Variants in PDE1A observed in about 807,000 individuals in gnomAD.
PDE1A encodes the protein phosphodiesterase 1A, also known as dual specificity calcium/calmodulin-dependent 3',5'-cyclic nucleotide phosphodiesterase 1A.
A neutral mutation model predicts 61.7 loss-of-function variants in PDE1A; 35 were observed. The observed-to-expected ratio is 0.57, with a 90% CI of 0.43 to 0.75. The LOEUF (loss-of-function observed/expected upper bound fraction) is 0.75, where lower values mean the gene tolerates loss of function less well. PDE1A is among the 30% of genes least tolerant of loss of function. PDE1A has a pLI of 0.00. For synonymous variants in PDE1A, 232 were observed against 213.2 expected, an observed-to-expected ratio of 1.09 and a Z score of -0.77; for missense variants, 597 against 630.6, an observed-to-expected ratio of 0.95 and a Z score of 0.57.
chr2:182,686,891 A>C, the PDE1A span, among the ~76,000 whole-genome samples: 3 of 150,820 alleles, frequency 2.0e-5, no homozygotes, highest in Non-Finnish European at 2.9e-5. Flanking sequence ...TATCCCGCGC[A>C]TGGCTTGGAG....
At chr2:182,695,674 AAAAAAAAAAAAG>A in the PDE1A span, among the ~76,000 whole-genome samples, 2 of 91,400 alleles carry the variant, frequency 2.2e-5, no homozygotes, top group African/African-American at 7.4e-5. Context: ...CTCAAAAAAA[AAAAAAAAAAAAG>A]AAAAAGAAAA....
At chr2:182,324,573 T>C (rs1559338173) in intron 1 of PDE1A, among the ~76,000 whole-genome samples, 1 of 152,144 alleles carries the variant, frequency 6.6e-6, no homozygotes, top group South Asian at 2.1e-4. Flanking sequence ...GCATACTCTA[T>C]GTTAGAGGTC....
At chr2:182,371,382 T>C (rs1296657967) in intron 1 of PDE1A, among the ~76,000 whole-genome samples, 1 of 152,216 alleles carries the variant, frequency 6.6e-6, no homozygotes, top group Non-Finnish European at 1.5e-5. Context: ...AAAATGACTA[T>C]CAGGTCTCCT....
chr2:182,548,316 TA>T, the PDE1A span, among the ~76,000 whole-genome samples: 5 of 152,140 alleles, frequency 3.3e-5, no homozygotes, highest in African/African-American at 1.2e-4. Flanking sequence ...TTTTTGTTTT[TA>T]AAGTACCTGA....
chr2:182,443,181 T>C (rs1008462767), intron 2 of PDE1A, among the ~76,000 whole-genome samples: 4 of 151,942 alleles, frequency 2.6e-5, no homozygotes, highest in Admixed American at 2.0e-4. Flanking sequence ...AATAATTATG[T>C]ATACACACAT....
At chr2:182,614,864 T>C in the PDE1A span, among the ~76,000 whole-genome samples, 1 of 152,240 alleles carries the variant, frequency 6.6e-6, no homozygotes, top group African/African-American at 2.4e-5. Flanking sequence ...GCCTATCTAT[T>C]GTTATTATAC....
upstream of PDE1A, among the ~76,000 whole-genome samples, chr2:182,427,926 T>A (rs1166067255): frequency 1.3e-5 from 2 of 152,136 alleles, no homozygotes; most frequent in African/African-American, 2.4e-5. Context: ...GTGCATGCCT[T>A]TAGTTGAATG....
chr2:182,573,228 G>A, the PDE1A span, among the ~76,000 whole-genome samples: 18 of 152,018 alleles, frequency 1.2e-4, no homozygotes, highest in Admixed American at 7.2e-4. Context: ...AACTGTGGGA[G>A]GAAAACCTGC....
chr2:182,428,393 CTTA>C (rs1703745391), upstream of PDE1A, among the ~76,000 whole-genome samples: 1 of 152,020 alleles, frequency 6.6e-6, no homozygotes, highest in African/African-American at 2.4e-5. Flanking sequence ...AAACTACACA[CTTA>C]TTATGTACTG....
At chr2:182,671,338 ATTTTTT>A in the PDE1A span, among the ~76,000 whole-genome samples, 4 of 75,226 alleles carry the variant, frequency 5.3e-5, no homozygotes, top group African/African-American at 1.4e-4. Context: ...CGACTGGCTA[ATTTTTT>A]TTTTTTTTTT....
chr2:182,215,645 C>T (rs1688103352), intron 7 of PDE1A, among the ~76,000 whole-genome samples: 1 of 130,220 alleles, frequency 7.7e-6, no homozygotes, highest in Non-Finnish European at 1.6e-5. Flanking sequence ...CACCTCTACG[C>T]AAATAAACTA....
rs558027608 is a variant in PDE1A, at chr2:182,401,981, C to T, written c.53+24597G>A. On this transcript the variant is annotated intron_variant, in intron 1 of 13. Transcript: ENST00000351439. ...ACAACTTACAAGGGATGAGAAGGACCTCTCAAGGAGAGCTACAAACCACCG... is the reference window on the plus strand; with the variant it reads ...ACAACTTACAAGGGATGAGAAGGACTTCTCAAGGAGAGCTACAAACCACCG... Among the ~76,000 whole-genome samples the T allele has an allele frequency of 6.6e-5, 10 of 152,216 alleles. No homozygotes were observed. The South Asian group carries it at 1.9e-3, about 28-fold the overall frequency.
chr2:182,432,041 T>C (rs1290367765), upstream of PDE1A, among the ~76,000 whole-genome samples: 1 of 152,130 alleles, frequency 6.6e-6, no homozygotes, highest in African/African-American at 2.4e-5. Context: ...ATGAAAGTTC[T>C]GTTCTATTAT....
intron 2 of PDE1A, among the ~76,000 whole-genome samples, chr2:182,252,574 A>G (rs1339914693): frequency 6.6e-6 from 1 of 152,244 alleles, no homozygotes; most frequent in East Asian, 1.9e-4. Flanking sequence ...ATTAACGAAG[A>G]GTAGTCAGAA....
upstream of PDE1A, among the ~76,000 whole-genome samples, chr2:182,525,417 G>A (rs720245): frequency 0.76 from 116,027 of 152,064 alleles, 46,595 homozygotes; most frequent in East Asian, 0.99. Context: ...ATTGGTTTTC[G>A]TATTAAGGTT....
At chr2:182,408,415 T>C (rs1211940557) in intron 1 of PDE1A, among the ~76,000 whole-genome samples, 1 of 152,200 alleles carries the variant, frequency 6.6e-6, no homozygotes, top group African/African-American at 2.4e-5. Context: ...CAATACTTAC[T>C]AGAATGACAT....
At chr2:182,662,889 G>A in the PDE1A span, among the ~76,000 whole-genome samples, 6 of 151,832 alleles carry the variant, frequency 4.0e-5, no homozygotes, top group African/African-American at 7.3e-5. Context: ...CAAAGTAAAC[G>A]GACAACCTAG....
chr2:182,560,754 T>C, the PDE1A span, among the ~76,000 whole-genome samples: 1 of 151,990 alleles, frequency 6.6e-6, no homozygotes, highest in Non-Finnish European at 1.5e-5. Flanking sequence ...ATGATTGCCA[T>C]TCTAACTAGT....
chr2:182,583,954 T>A, the PDE1A span, among the ~76,000 whole-genome samples: 1 of 152,208 alleles, frequency 6.6e-6, no homozygotes, highest in Non-Finnish European at 1.5e-5. Context: ...ACAATTCCTA[T>A]CAAGAGATTC....
Sources: allele counts gnomAD v4.1 joint callset (sites outside exome capture counted in the v4.1 genomes callset), GRCh38; gene constraint gnomAD v4.1.1; transcripts MANE v1.5; gene names NCBI Gene and HGNC (gene_info 2026-07-23, HGNC 2026-07-21).